The following SAXO5 variants were observed in gnomAD, a reference collection of about 807,000 sequenced individuals.
The protein encoded by SAXO5 is stabilizer of axonemal microtubules 5.
chr19:7,506,960 G>C, the SAXO5 span: 1 of 975,646 alleles, frequency 1.0e-6, no homozygotes, highest in Middle Eastern at 2.1e-4. Context: ...CGCTGGCCTG[G>C]GCTTGGCTCT....
the SAXO5 span, among the ~76,000 whole-genome samples, chr19:7,502,175 C>T: frequency 2.0e-5 from 3 of 152,086 alleles, no homozygotes; most frequent in South Asian, 2.1e-4. Flanking sequence ...GGCATGATCT[C>T]GGCTCACACA....
chr19:7,501,299 T>C, the SAXO5 span: 4 of 1,573,086 alleles, frequency 2.5e-6, no homozygotes, highest in Non-Finnish European at 3.4e-6. Flanking sequence ...CCCTGCCTCC[T>C]GGCGACCGCG....
At chr19:7,508,338 C>G in the SAXO5 span, 2 of 1,613,840 alleles carry the variant, frequency 1.2e-6, no homozygotes, top group East Asian at 4.5e-5. Flanking sequence ...GGGCTTCGTG[C>G]CCCTGGGCAC....
chr19:7,506,205 C>G, the SAXO5 span: 1 of 1,460,986 alleles, frequency 6.8e-7, no homozygotes, highest in Non-Finnish European at 9.1e-7. Flanking sequence ...GGAGCCCCGC[C>G]CCGGGAAGCC....
chr19:7,499,467 G>T, the SAXO5 span, among the ~76,000 whole-genome samples: 1 of 152,230 alleles, frequency 6.6e-6, no homozygotes, highest in East Asian at 1.9e-4. Context: ...GTTAGGCAGA[G>T]GAACAAAAAT....
chr19:7,508,184 GC>G, the SAXO5 span: 4 of 1,605,894 alleles, frequency 2.5e-6, no homozygotes, highest in South Asian at 4.4e-5. Flanking sequence ...GCCCTGCCAG[GC>G]TGTCCACCCT....
the SAXO5 span, chr19:7,504,080 A>ATCTCTCTCTCTCTCTC: frequency 1.8e-3 from 2,158 of 1,202,350 alleles, 23 homozygotes; most frequent in African/African-American, 0.025. Context: ...GGGAATCTCA[A>ATCTCTCTCTCTCTCTC]TCTCTCTCTC....
chr19:7,500,839 T>TCCTG, the SAXO5 span: 1 of 1,517,506 alleles, frequency 6.6e-7, no homozygotes, highest in African/African-American at 1.4e-5. Context: ...ACAGGCGCCC[T>TCCTG]CCTGCCGTGC....
the SAXO5 span, among the ~76,000 whole-genome samples, chr19:7,501,947 G>GGGGGTGGCGAGGCCACCC: frequency 2.0e-5 from 3 of 151,200 alleles, no homozygotes; most frequent in East Asian, 6.0e-4. Flanking sequence ...GGAAGACTTG[G>GGGGGTGGCGAGGCCACCC]GGGGTGGCGA....
the SAXO5 span, among the ~76,000 whole-genome samples, chr19:7,505,109 G>A: frequency 1.3e-5 from 2 of 151,492 alleles, no homozygotes; most frequent in African/African-American, 2.4e-5. Flanking sequence ...TCAGCCTACC[G>A]AGTAGCTGGA....
At chr19:7,499,168 C>T in the SAXO5 span, among the ~76,000 whole-genome samples, 5 of 151,846 alleles carry the variant, frequency 3.3e-5, no homozygotes, top group East Asian at 1.9e-4. Context: ...AAAACTTAGA[C>T]GGGCATGGTG....
the SAXO5 span, chr19:7,500,833 G>A: frequency 2.0e-6 from 3 of 1,492,682 alleles, no homozygotes; most frequent in Non-Finnish European, 2.7e-6. Context: ...ATGGCCACAG[G>A]CGCCCTCCTG....
chr19:7,505,905 C>T, the SAXO5 span: 2 of 1,488,550 alleles, frequency 1.3e-6, no homozygotes, highest in Non-Finnish European at 9.1e-7. Context: ...TCCTCCCTCC[C>T]CCCCGGGCCC....
At chr19:7,501,308 C>T in the SAXO5 span, 1 of 1,572,276 alleles carries the variant, frequency 6.4e-7, no homozygotes, top group Non-Finnish European at 8.5e-7. Flanking sequence ...CTGGCGACCG[C>T]GACAAGTTGC....
the SAXO5 span, chr19:7,506,210 G>GAAGCCCCACCCCCGA: frequency 4.2e-6 from 6 of 1,417,396 alleles, no homozygotes; most frequent in Non-Finnish European, 5.6e-6. Context: ...CCCGCCCCGG[G>GAAGCCCCACCCCCGA]AAGCCCCACC....
the SAXO5 span, chr19:7,508,163 C>T: frequency 1.9e-6 from 3 of 1,566,914 alleles, no homozygotes; most frequent in South Asian, 2.3e-5. Flanking sequence ...GGATCGGCCA[C>T]CTCCCAGGCT....
At chr19:7,506,904 C>G in the SAXO5 span, 1 of 616,072 alleles carries the variant, frequency 1.6e-6, no homozygotes. Context: ...TTTGGCTCCT[C>G]CCTCCCCCCT....
At chr19:7,504,390 C>T in the SAXO5 span, 1 of 1,614,076 alleles carries the variant, frequency 6.2e-7, no homozygotes, top group Non-Finnish European at 8.5e-7. Context: ...GCCTACAGGC[C>T]CCAGGATCTG....
the SAXO5 span, chr19:7,506,111 C>T: frequency 3.1e-6 from 5 of 1,613,186 alleles, no homozygotes; most frequent in Non-Finnish European, 4.2e-6. Flanking sequence ...GAGACAGGTG[C>T]AGAAAGCGCC....
Sources: gnomAD v4.1 joint callset for allele counts (sites outside exome capture counted in the v4.1 genomes callset) on GRCh38, gnomAD v4.1.1 for gene constraint, MANE v1.5 for transcripts, NCBI Gene and HGNC (gene_info 2026-07-23, HGNC 2026-07-21) for gene names.